Variants in SYNC observed in about 807,000 individuals in gnomAD.
SYNC encodes syncoilin.
A neutral mutation model predicts 49.5 loss-of-function variants in SYNC; 38 were observed. That is an observed-to-expected ratio of 0.77 (90% confidence interval 0.59 to 1.01). The LOEUF (loss-of-function observed/expected upper bound fraction) is 1.01. Among genes scored for constraint, SYNC ranks in the 50% least tolerant of loss-of-function variants. The pLI, the probability that SYNC is intolerant of heterozygous loss-of-function variation, is 0.00. For synonymous variants in SYNC, 201 were observed against 230.8 expected, an observed-to-expected ratio of 0.87 and a Z score of 1.17; for missense variants, 579 against 580.6, an observed-to-expected ratio of 1.00 and a Z score of 0.03.
At chr1:32,700,120 C>T (rs1650609676) in intron 1 of SYNC, among the ~76,000 whole-genome samples, 1 of 152,132 alleles carries the variant, frequency 6.6e-6, no homozygotes, top group Admixed American at 6.6e-5. Context: ...ACTTTTTACA[C>T]CTCCTACTCT....
chr1:32,687,349 G>C (rs530141355), intron 2 of SYNC, among the ~76,000 whole-genome samples: 2 of 118,360 alleles, frequency 1.7e-5, no homozygotes. Flanking sequence ...GGACAAGAGC[G>C]AGACTTCATC....
In SYNC at chr1:32,689,235, C is replaced by CTTTTTTTTTTTTTTT; in HGVS notation, c.1234-4868_1234-4854dup. 2.2e-3 allele frequency among the ~76,000 whole-genome samples: 91 copies of CTTTTTTTTTTTTTTT among 41,536 alleles called. 37 individuals carry two copies. Among genetic ancestry groups the CTTTTTTTTTTTTTTT allele is most frequent in the Non-Finnish European group, 2.9e-3 (60 of 20,370 alleles). 27.2% of individuals were successfully genotyped at this position (41,536 alleles called of 152,430 possible). On this transcript the variant is annotated intron_variant, in intron 2 of 4. Transcript: ENST00000409190. ...ACAGGCGTGAGGCACCTCGCCTGGC[C>CTTTTTTTTTTTTTTT]TTTTTTTTTTTTTTTTTTTTTTTTT... is the stretch of plus-strand genomic sequence containing the variant.
chr1:32,695,268 A>G lies in SYNC; in HGVS notation c.830T>C (p.Leu277Pro). The change falls in exon 2 of 5, where the codon CTG becomes CCG. Residue 277 changes from leucine to proline, a missense_variant. Transcript: ENST00000409190. Reference sequence around the variant, plus strand: ...TGAGAGCTGGGTTGCCCTTGTAGTCAGCACTTCCCGGAAATCGGCAAACTG... The same window carrying G: ...TGAGAGCTGGGTTGCCCTTGTAGTCGGCACTTCCCGGAAATCGGCAAACTG... ...VAQFADFREV[L>P]TTRATQLSEE... is the part of the protein sequence containing the mutation. The G allele has an allele frequency of 6.4e-7, 1 of 1,551,836 alleles. No individual in the cohort carries two copies. The highest frequency in any genetic ancestry group is 1.2e-5 in the South Asian group (1 of 84,136).
chr1:32,701,654 C>G (rs1650675149), intron 1 of SYNC, among the ~76,000 whole-genome samples: 1 of 152,152 alleles, frequency 6.6e-6, no homozygotes, highest in African/African-American at 2.4e-5. Context: ...CTCTTTTAAA[C>G]AGAGAGAGGA....
Position 32,695,613 on chromosome 1 carries a change from C to A in SYNC, c.485G>T (p.Ser162Ile). The A allele has an allele frequency of 6.4e-7, 1 of 1,551,604 alleles. No individual in the cohort carries two copies. The highest frequency in any genetic ancestry group is 8.7e-7 in the Non-Finnish European group (1 of 1,146,984). Residue 162 changes from serine to isoleucine, a missense_variant, in exon 2 of 5, where the codon AGC (serine) becomes ATC (isoleucine). By Grantham distance (142) the Ser-to-Ile change is moderately radical. Coordinates refer to ENST00000409190, the MANE Select transcript of SYNC (RefSeq NM_030786.3). ...CTCTATGCTCAGGTTCTCCTCCATGCTGGGGCTCTGCTCGGCTCTGAGGCT... is the reference window on the plus strand; with the variant it reads ...CTCTATGCTCAGGTTCTCCTCCATGATGGGGCTCTGCTCGGCTCTGAGGCT... ...EESLRAEQSP[S>I]MEENLSIEDL...
At chr1:32,684,489 C>T (rs754891329) in intron 2 of SYNC, 107 bp from the exon 3 acceptor site, 329 of 1,502,584 alleles carry the variant, frequency 2.2e-4, no homozygotes, top group Non-Finnish European at 2.9e-4. Flanking sequence ...ATCTTGATAG[C>T]AGTATTGAGG....
chr1:32,694,142 C>T (rs896868409), intron 2 of SYNC, among the ~76,000 whole-genome samples: 1 of 151,974 alleles, frequency 6.6e-6, no homozygotes, highest in Non-Finnish European at 1.5e-5. Context: ...GCAGGAGGAT[C>T]GCTTGAGCCC....
chr1:32,692,668 C>G (rs1650220199), intron 2 of SYNC, among the ~76,000 whole-genome samples: 1 of 152,066 alleles, frequency 6.6e-6, no homozygotes, highest in East Asian at 1.9e-4. Context: ...ATTGCTTGAA[C>G]CCAGGAGGCA....
chr1:32,680,723 C>G lies in SYNC; in HGVS notation c.*1127G>C. ...ACCAGTCTCTGGCTTCTAGAAGAGT[C>G]CTTCAGATGACAGTTGTTGTCCATG... On this transcript the variant is annotated 3_prime_UTR_variant, in exon 5 of 5. Transcript: ENST00000409190. The G allele has an allele frequency of 1.8e-6, 1 of 569,194 alleles. No homozygotes were observed. Among genetic ancestry groups the G allele is most frequent in the South Asian group, 2.8e-5 (1 of 35,416 alleles). The allele number at this position is 569,194 out of a possible 1,614,324, so 35.3% of individuals were successfully genotyped here.
At position 32,680,661 on chromosome 1, in the gene SYNC, C is replaced by G; in HGVS notation, c.*1189G>C. ...AATTGCTTTTCTACATAACCCCATGCTGATGGGTTTTATTTAGTATAAAAC... is the reference window on the plus strand; with the variant it reads ...AATTGCTTTTCTACATAACCCCATGGTGATGGGTTTTATTTAGTATAAAAC... On this transcript the variant is annotated 3_prime_UTR_variant, in exon 5 of 5. Transcript: ENST00000409190. 1.0e-6 allele frequency: 1 copy of G among 973,518 alleles called. No homozygotes were observed. The highest frequency in any genetic ancestry group is 1.5e-6 in the Non-Finnish European group (1 of 648,380). The allele number at this position is 973,518 out of a possible 1,614,324, so 60.3% of individuals were successfully genotyped here.
chr1:32,683,119 A>G (rs1189076125), intron 4 of SYNC: 1 of 152,060 alleles, frequency 6.6e-6, no homozygotes, highest in Non-Finnish European at 1.5e-5. Context: ...CGTCTCTACT[A>G]AAATACAAAA....
intron 1 of SYNC, among the ~76,000 whole-genome samples, chr1:32,701,170 G>C (rs949346769): frequency 2.4e-4 from 36 of 152,028 alleles, no homozygotes; most frequent in African/African-American, 6.5e-4. Flanking sequence ...ACACCTCGGC[G>C]TCCCAAAGTG....
chr1:32,702,533 T>G lies in SYNC; in HGVS notation c.53+75A>C. 2.6e-6 allele frequency: 3 copies of G among 1,172,908 alleles called. No individual in the cohort carries two copies. The highest frequency in any genetic ancestry group is 3.1e-4 in the Middle Eastern group (1 of 3,220). 72.7% of individuals were successfully genotyped at this position (1,172,908 alleles called of 1,614,324 possible). On this transcript the variant is annotated intron_variant, in intron 1 of 4. Coordinates refer to ENST00000409190, the MANE Select transcript of SYNC (RefSeq NM_030786.3). The surrounding 1 kb of genome is among the most constrained non-coding windows in gnomAD (Gnocchi z 6.2). Reference sequence around the variant, plus strand: ...CTAGACAGGCGAAAGACGCCCGCGGTCGGGGGGAAAGGGAACCCGTCCAGC... The same window carrying G: ...CTAGACAGGCGAAAGACGCCCGCGGGCGGGGGGAAAGGGAACCCGTCCAGC...
chr1:32,693,272 G>A (rs972659255), intron 2 of SYNC, among the ~76,000 whole-genome samples: 3 of 151,934 alleles, frequency 2.0e-5, no homozygotes, highest in Non-Finnish European at 2.9e-5. Context: ...TAGTAGAGAC[G>A]GGGTTTCACC....
chr1:32,702,673 C>G lies in SYNC; in HGVS notation c.-13G>C, dbSNP rs1650715425. ...CCGGGCTGGCCATGGCTGCGCGACC[C>G]CGGGCTGGCGGCCGCGTTATTAATA... On this transcript the variant is annotated 5_prime_UTR_variant, in exon 1 of 5. Coordinates refer to ENST00000409190, the MANE Select transcript of SYNC (RefSeq NM_030786.3). This position sits in a 1 kb window ranked among gnomAD's most constrained non-coding sequence, Gnocchi z 6.2. 8.5e-7 allele frequency: 1 copy of G among 1,179,078 alleles called. No homozygotes were observed. The highest frequency in any genetic ancestry group is 1.0e-6 in the Non-Finnish European group (1 of 954,422). 73.0% of individuals were successfully genotyped at this position (1,179,078 alleles called of 1,614,324 possible). A position where few individuals can be genotyped will look rare whatever the true frequency, so the allele number is the denominator to read the frequency against.
chr1:32,685,308 G>A (rs1267762720), intron 2 of SYNC: 2 of 152,178 alleles, frequency 1.3e-5, no homozygotes, highest in Non-Finnish European at 2.9e-5. Context: ...TGCCTAGGAT[G>A]TATACCTGAG....
At chr1:32,694,725 G>A (rs776870081) in intron 2 of SYNC, 140 bp downstream of exon 2, 109 of 772,388 alleles carry the variant, frequency 1.4e-4, no homozygotes, top group Admixed American at 7.4e-4. Context: ...ATGAAGAATG[G>A]AGAAAAAATT....
chr1:32,694,511 G>A (rs969299823), intron 2 of SYNC, among the ~76,000 whole-genome samples: 2 of 151,922 alleles, frequency 1.3e-5, no homozygotes, highest in South Asian at 2.1e-4. Flanking sequence ...AAAAATAGCC[G>A]GGCATGGTGG....
intron 2 of SYNC, among the ~76,000 whole-genome samples, chr1:32,687,870 G>A (rs1302275222): frequency 2.3e-4 from 1 of 4,386 alleles, no homozygotes; most frequent in African/African-American, 4.0e-4. Flanking sequence ...TATTTTTTGA[G>A]ATGGAGTCTT....
Sources: gnomAD v4.1 joint callset for allele counts (sites outside exome capture counted in the v4.1 genomes callset) on GRCh38, gnomAD v4.1.1 for gene constraint, Gnocchi (gnomAD v3.1) non-coding constraint, MANE v1.5 for transcripts, NCBI Gene and HGNC (gene_info 2026-07-23, HGNC 2026-07-21) for gene names.